Variants in BAZ1B observed in about 807,000 individuals in gnomAD.
BAZ1B encodes the protein tyrosine-protein kinase BAZ1B.
In BAZ1B, 22 loss-of-function variants were observed where a neutral mutation model predicts 153.8. The observed-to-expected ratio is 0.14, with a 90% CI of 0.10 to 0.20. The LOEUF (loss-of-function observed/expected upper bound fraction) is 0.20. Among genes scored for constraint, BAZ1B ranks in the 10% least tolerant of loss-of-function variants. BAZ1B has a pLI of 1.00. For missense variants in BAZ1B, 1,325 were observed against 1,799.3 expected (o/e 0.74, Z 4.77); for synonymous variants, 676 against 633.4 (o/e 1.07, Z -1.01).
chr7:73,470,580 G>C, intron 7 of BAZ1B, 97 bp from the exon 8 acceptor site: 1 of 1,380,342 alleles, frequency 7.2e-7, no homozygotes, highest in Non-Finnish European at 9.8e-7. Context: ...CTAGTATACA[G>C]TAGTTATCAA....
chr7:73,514,555 A>C (rs1267955613), intron 1 of BAZ1B, among the ~76,000 whole-genome samples: 1 of 151,486 alleles, frequency 6.6e-6, no homozygotes, highest in Non-Finnish European at 1.5e-5. Context: ...AAAAAACTGC[A>C]TAGTGGCAGT....
chr7:73,512,596 T>G (rs1338271337), intron 1 of BAZ1B, among the ~76,000 whole-genome samples: 1 of 152,128 alleles, frequency 6.6e-6, no homozygotes, highest in Non-Finnish European at 1.5e-5. Flanking sequence ...ATGGCAACTT[T>G]CCACACAAAA....
intron 1 of BAZ1B, among the ~76,000 whole-genome samples, chr7:73,519,982 C>A (rs188331266): frequency 6.6e-6 from 1 of 152,110 alleles, no homozygotes; most frequent in East Asian, 1.9e-4. Flanking sequence ...CCGAGATGGG[C>A]GGATCACCTG....
chr7:73,501,770 G>A (rs1790142785), intron 3 of BAZ1B, among the ~76,000 whole-genome samples: 1 of 151,938 alleles, frequency 6.6e-6, no homozygotes, highest in African/African-American at 2.4e-5. Context: ...CACCTTAAAT[G>A]TTGCCTCCTC....
chr7:73,459,085 A>G (rs1788301614), intron 13 of BAZ1B, among the ~76,000 whole-genome samples: 2 of 151,676 alleles, frequency 1.3e-5, no homozygotes, highest in African/African-American at 2.4e-5. Context: ...CGTCTCTACT[A>G]AAAAATACAA....
In BAZ1B at chr7:73,449,037, G is replaced by A. The variant is rs115571349; in HGVS notation, c.3728+505C>T. On this transcript the variant is annotated intron_variant, in intron 15 of 19. Coordinates refer to ENST00000339594, the MANE Select transcript of BAZ1B (RefSeq NM_032408.4). ...GATAGCGGAGACCACGGAGAATGGA[G>A]AGCAAGAAACTGGATCATCAAACAT... is the stretch of plus-strand genomic sequence containing the variant. Among the ~76,000 whole-genome samples, 953 of 152,294 alleles carry A rather than the reference G, an allele frequency of 6.3e-3. 15 individuals carry two copies. The highest frequency in any genetic ancestry group is 0.022 in the African/African-American group (895 of 41,540).
At chr7:73,461,373 A>G (rs1788391206) in intron 12 of BAZ1B, among the ~76,000 whole-genome samples, 1 of 152,248 alleles carries the variant, frequency 6.6e-6, no homozygotes, top group Non-Finnish European at 1.5e-5. Flanking sequence ...CACACAAGAC[A>G]TGCCAATTAG....
chr7:73,445,678 C>A (rs562889579), intron 16 of BAZ1B, among the ~76,000 whole-genome samples: 1 of 152,024 alleles, frequency 6.6e-6, no homozygotes, highest in Non-Finnish European at 1.5e-5. Context: ...CAAGACCAGC[C>A]TGGGAAACAT....
rs1788581185 is a variant in BAZ1B at position 73,466,316 on chromosome 7, G to A, written c.2952C>T (p.Pro984=). 6.2e-7 allele frequency: 1 copy of A among 1,611,702 alleles called. No homozygotes were observed. Among genetic ancestry groups the A allele is most frequent in the Non-Finnish European group, 8.5e-7 (1 of 1,177,844 alleles). ...ATTACCATAGGTTCTGTCCTTGTTT[G>A]GGTGTGGTTGTCTCTACAGCAACTT... ...ATEVAVETTT[P]KQGQNLWFLC... Residue 984 remains proline, a synonymous_variant, in exon 10 of 20, where the codon CCC becomes CCT. Coordinates refer to ENST00000339594, the MANE Select transcript of BAZ1B (RefSeq NM_032408.4).
At position 73,522,065 on chromosome 7, in the gene BAZ1B, G is replaced by C. The variant is rs1319415336; in HGVS notation, c.-132C>G. 2 of 564,158 alleles carry C rather than the reference G, an allele frequency of 3.5e-6. No individual in the cohort carries two copies. Among genetic ancestry groups the C allele is most frequent in the South Asian group, 8.8e-5 (1 of 11,320 alleles). 34.9% of individuals were successfully genotyped at this position (564,158 alleles called of 1,614,324 possible). On this transcript the variant is annotated 5_prime_UTR_variant, in exon 1 of 20. Coordinates refer to ENST00000339594, the MANE Select transcript of BAZ1B (RefSeq NM_032408.4). ...GAAGGGAGGGGTGAGAGGGCGGCGC[G>C]AACTCCGGCTCCCTCACCGCCGGCG...
At chr7:73,489,535 C>A in intron 5 of BAZ1B, 144 bp from the exon 6 acceptor site, 3 of 808,078 alleles carry the variant, frequency 3.7e-6, no homozygotes, top group Non-Finnish European at 5.8e-6. Context: ...AATATATAGG[C>A]CAGGGATGGT....
intron 3 of BAZ1B, among the ~76,000 whole-genome samples, chr7:73,508,085 G>A (rs1554578056): frequency 6.6e-6 from 1 of 152,086 alleles, no homozygotes. Flanking sequence ...GAACACGGGA[G>A]AATGAGGTTG....
rs2116198138 is a variant in BAZ1B, at chr7:73,440,571, A to G, written c.*1138T>C. ...GGAACACAGGATTCTCACTATGAAC[A>G]AGAACAGACTGGATGTAGGAGGCAG... On this transcript the variant is annotated 3_prime_UTR_variant, in exon 20 of 20. Coordinates refer to ENST00000339594, the MANE Select transcript of BAZ1B (RefSeq NM_032408.4). The G allele has an allele frequency of 6.6e-6, 1 of 152,142 alleles. No homozygotes were observed. The highest frequency in any genetic ancestry group is 2.1e-4 in the South Asian group (1 of 4,812). The allele number at this position is 152,142 out of a possible 1,614,324, so 9.4% of individuals were successfully genotyped here.
chr7:73,447,528 GC>G, intron 15 of BAZ1B, 149 bp from the exon 16 acceptor site: 1 of 1,052,822 alleles, frequency 9.5e-7, no homozygotes, highest in South Asian at 1.9e-5. Context: ...CTGAATGTAA[GC>G]CAGGAGAGTT....
chr7:73,458,605 G>A (rs1353341123), intron 13 of BAZ1B, among the ~76,000 whole-genome samples: 1 of 151,656 alleles, frequency 6.6e-6, no homozygotes, highest in Non-Finnish European at 1.5e-5. Flanking sequence ...GAACCTGGGA[G>A]GTAGAGGTTG....
chr7:73,522,007 A>G lies in BAZ1B; in HGVS notation c.-74T>C, dbSNP rs1241117576. 1.4e-5 allele frequency: 14 copies of G among 1,019,174 alleles called. No homozygotes were observed. The highest frequency in any genetic ancestry group is 1.5e-5 in the Non-Finnish European group (12 of 799,104). The allele number at this position is 1,019,174 out of a possible 1,614,324, so 63.1% of individuals were successfully genotyped here. A position where few individuals can be genotyped will look rare whatever the true frequency, so the allele number is the denominator to read the frequency against. ...CGCAGCACTAGGCCCCGCGGCCCGGAGCGAGCGCCAGGCGCCCGGGGGTGG... is the reference window on the plus strand; with the variant it reads ...CGCAGCACTAGGCCCCGCGGCCCGGGGCGAGCGCCAGGCGCCCGGGGGTGG... On this transcript the variant is annotated 5_prime_UTR_variant, in exon 1 of 20. Transcript: ENST00000339594.
In BAZ1B at chr7:73,473,344, G is replaced by T. The variant is rs555055082; in HGVS notation, c.2594-2861C>A. Among the ~76,000 whole-genome samples, 3 of 152,330 alleles carry T rather than the reference G, an allele frequency of 2.0e-5. No homozygotes were observed. In the South Asian group the frequency reaches 6.2e-4, roughly 32 times the overall value. ...GAGGCAGGCAGTTCATTTGAGGTCA[G>T]AGTTTTGGGACCAGCCTAACCAACA... On this transcript the variant is annotated intron_variant, in intron 7 of 19. Coordinates refer to ENST00000339594, the MANE Select transcript of BAZ1B (RefSeq NM_032408.4).
chr7:73,479,966 G>A (rs782800658), intron 6 of BAZ1B, among the ~76,000 whole-genome samples: 10 of 152,004 alleles, frequency 6.6e-5, no homozygotes, highest in Admixed American at 1.3e-4. Context: ...TCAGGAGATC[G>A]AGACCATCCT....
chr7:73,521,264 G>A (rs1554580136), intron 1 of BAZ1B, among the ~76,000 whole-genome samples: 1 of 151,898 alleles, frequency 6.6e-6, no homozygotes. Context: ...TCTGCCCCAG[G>A]GTCCTGTCAG....
Sources: gnomAD v4.1 joint callset for allele counts (sites outside exome capture counted in the v4.1 genomes callset) on GRCh38, gnomAD v4.1.1 for gene constraint, MANE v1.5 for transcripts, NCBI Gene and HGNC (gene_info 2026-07-23, HGNC 2026-07-21) for gene names.